CLHC1: variants seen among roughly 807,000 people sequenced by gnomAD.
CLHC1 encodes the protein clathrin heavy chain linker domain-containing protein 1.
In CLHC1, 72 loss-of-function variants were observed where a neutral mutation model predicts 69.5. That is an observed-to-expected ratio of 1.04 (90% CI 0.86 to 1.26). CLHC1 has a LOEUF of 1.26. CLHC1 is among the 50% of genes most tolerant of loss of function. The pLI is 0.00. For missense variants in CLHC1, 790 were observed against 679.3 expected, an observed-to-expected ratio of 1.16 and a Z score of -1.81; for synonymous variants, 223 against 224.3, an observed-to-expected ratio of 0.99 and a Z score of 0.05.
intron 11 of CLHC1, among the ~76,000 whole-genome samples, chr2:55,180,158 A>C (rs1418570703): frequency 6.6e-6 from 1 of 151,908 alleles, no homozygotes; most frequent in Non-Finnish European, 1.5e-5. Flanking sequence ...ATCTCAAAAA[A>C]AAATATATAT....
chr2:55,180,047 G>A (rs1669769947), intron 11 of CLHC1, among the ~76,000 whole-genome samples: 1 of 151,856 alleles, frequency 6.6e-6, no homozygotes, highest in African/African-American at 2.4e-5. Flanking sequence ...CCAGCTACTT[G>A]GGAGGCTGAG....
At chr2:55,214,700 T>C (rs1673330648) in intron 4 of CLHC1, 1 of 152,170 alleles carries the variant, frequency 6.6e-6, no homozygotes, top group South Asian at 2.1e-4. Context: ...ACAAAAGATA[T>C]GTCAAAAATA....
At chr2:55,209,334 C>G in intron 7 of CLHC1, 70 bp downstream of exon 7, 1 of 910,766 alleles carries the variant, frequency 1.1e-6, no homozygotes, top group Non-Finnish European at 1.7e-6. Context: ...TAAGAAAACC[C>G]CATTCTAACT....
intron 7 of CLHC1, 34 bp from the exon 8 acceptor site, chr2:55,208,744 T>G: frequency 2.2e-6 from 3 of 1,390,948 alleles, no homozygotes; most frequent in Non-Finnish European, 3.1e-6. Flanking sequence ...GGAAGATATT[T>G]AAGGTTACTT....
At chr2:55,229,678 C>A (rs941954263) in intron 1 of CLHC1, among the ~76,000 whole-genome samples, 1 of 152,234 alleles carries the variant, frequency 6.6e-6, no homozygotes, top group Non-Finnish European at 1.5e-5. Flanking sequence ...AGCACTGGAG[C>A]AACAGCCTCA....
chr2:55,227,848 CTT>C (rs10594418), intron 2 of CLHC1, among the ~76,000 whole-genome samples, 182 bp downstream of exon 2: 89,173 of 151,504 alleles, frequency 0.59, 27,660 homozygotes, highest in African/African-American at 0.79. Flanking sequence ...ACTAATGACT[CTT>C]TTTCTTTGAC....
At chr2:55,221,516 A>G (rs143801900) in intron 3 of CLHC1, among the ~76,000 whole-genome samples, 13 of 152,356 alleles carry the variant, frequency 8.5e-5, no homozygotes, top group African/African-American at 3.1e-4. Flanking sequence ...TTAATGTTAG[A>G]TCAAATCTAA....
Position 55,177,743 on chromosome 2 carries a change from C to T in CLHC1, c.1423G>A (p.Glu475Lys). 7 of 1,611,438 alleles carry T rather than the reference C, an allele frequency of 4.3e-6. No homozygotes were observed. The highest frequency in any genetic ancestry group is 5.9e-6 in the Non-Finnish European group (7 of 1,178,886). ...TCTTTAGTGAGACACTGAATTAATT[C>T]AACTTGGGGACATGACATTAATAGC... The part of the protein sequence containing the change: ...LQLLMSCPQV[E>K]LIQCLTKELN... Residue 475 changes from glutamate to lysine, a missense_variant, in exon 12 of 13, where the codon GAA becomes AAA. Physicochemically the swap from Glu to Lys is moderately conservative, Grantham distance 56. Transcript: ENST00000401408.
Position 55,175,718 on chromosome 2 carries a change from T to C in CLHC1, c.*72A>G. ...TAGATTTATTTATAAGTTAGTTACG[T>C]TAAAATCAGTTTTTCCCAACCAGCA... On this transcript the variant is annotated 3_prime_UTR_variant, in exon 13 of 13. Coordinates refer to ENST00000401408, the MANE Select transcript of CLHC1 (RefSeq NM_152385.4). 9.8e-7 allele frequency: 1 copy of C among 1,022,696 alleles called. No individual in the cohort carries two copies. The highest frequency in any genetic ancestry group is 2.4e-5 in the East Asian group (1 of 41,182). 63.4% of individuals were successfully genotyped at this position (1,022,696 alleles called of 1,614,324 possible). A position where few individuals can be genotyped will look rare whatever the true frequency, so the allele number is the denominator to read the frequency against.
chr2:55,230,504 C>A (rs1175992755), intron 1 of CLHC1, among the ~76,000 whole-genome samples: 1 of 152,096 alleles, frequency 6.6e-6, no homozygotes, highest in Non-Finnish European at 1.5e-5. Flanking sequence ...GTTTATGAGT[C>A]ATTTGCATAT....
chr2:55,200,098 C>A (rs1212789376), intron 9 of CLHC1, among the ~76,000 whole-genome samples: 1 of 151,828 alleles, frequency 6.6e-6, no homozygotes, highest in African/African-American at 2.4e-5. Flanking sequence ...GTGGTGCATG[C>A]CTGTGATCCC....
chr2:55,232,400 C>G (rs1474427904), upstream of CLHC1: 1 of 282,054 alleles, frequency 3.5e-6, no homozygotes, highest in Non-Finnish European at 7.0e-6. Context: ...CCCCAAGAGG[C>G]CCCCCTCGAC....
chr2:55,223,309 C>T (rs966276277), intron 2 of CLHC1, among the ~76,000 whole-genome samples: 1 of 152,118 alleles, frequency 6.6e-6, no homozygotes, highest in Admixed American at 6.6e-5. Context: ...AAAAGAGGTC[C>T]GGACTTCTGC....
At chr2:55,182,045 T>G (rs1669989113) in intron 9 of CLHC1, among the ~76,000 whole-genome samples, 1 of 151,914 alleles carries the variant, frequency 6.6e-6, no homozygotes, top group South Asian at 2.1e-4. Context: ...CCTTAGAGCC[T>G]CCAGAAGGAA....
chr2:55,188,865 G>A (rs1670664301), intron 9 of CLHC1, among the ~76,000 whole-genome samples: 1 of 152,126 alleles, frequency 6.6e-6, no homozygotes, highest in South Asian at 2.1e-4. Context: ...ACACATGCAG[G>A]ATTAAAGAAT....
At position 55,177,700 on chromosome 2, in the gene CLHC1, G is replaced by A; in HGVS notation, c.1466C>T (p.Pro489Leu). ...CLTKELNEKQ[P>L]SLSFGLAILH... is the part of the protein sequence containing the mutation. The stretch of plus-strand genomic sequence containing the variant: ...TATAGCAAGACCAAAAGATAAAGAT[G>A]GTTGTTTCTCATTCAACTCTTTAGT... Residue 489 changes from proline to leucine, a missense_variant, in exon 12 of 13, where the codon CCA (proline) becomes CTA (leucine). Pro to Leu is a moderately conservative substitution (Grantham distance 98, BLOSUM62 -3). Transcript: ENST00000401408. The A allele has an allele frequency of 6.2e-7, 1 of 1,612,856 alleles. No individual in the cohort carries two copies. The highest frequency in any genetic ancestry group is 8.5e-7 in the Non-Finnish European group (1 of 1,179,054).
At chr2:55,193,659 C>T (rs1459630106) in intron 9 of CLHC1, among the ~76,000 whole-genome samples, 1 of 152,038 alleles carries the variant, frequency 6.6e-6, no homozygotes, top group Non-Finnish European at 1.5e-5. Flanking sequence ...CATAAGGAAC[C>T]CTTATACATT....
chr2:55,181,782 A>C (rs1284910980), intron 9 of CLHC1, 38 bp from the exon 10 acceptor site: 3 of 1,541,630 alleles, frequency 1.9e-6, no homozygotes, highest in East Asian at 2.3e-5. Context: ...CAAATACTTT[A>C]AGAAATAGTT....
At chr2:55,210,633 T>TG (rs1364155353) in intron 5 of CLHC1, among the ~76,000 whole-genome samples, 2 of 152,230 alleles carry the variant, frequency 1.3e-5, no homozygotes, top group African/African-American at 4.8e-5. Context: ...TGTTACTCAG[T>TG]AACGCCACGA....
Sources: gnomAD v4.1 joint callset for allele counts (sites outside exome capture counted in the v4.1 genomes callset) on GRCh38, gnomAD v4.1.1 for gene constraint, MANE v1.5 for transcripts, NCBI Gene and HGNC (gene_info 2026-07-23, HGNC 2026-07-21) for gene names.